Variants in UBAC2 observed in about 807,000 individuals in gnomAD.
The protein encoded by UBAC2 is UBA domain containing 2.
UBAC2 carries 26 observed loss-of-function variants against 44.0 expected under a neutral mutation model. The ratio of observed to expected loss-of-function variants is 0.59; its 90% CI spans 0.43 to 0.82. The LOEUF (loss-of-function observed/expected upper bound fraction) is 0.82. Ranked by LOEUF, UBAC2 falls within the 40% of genes least tolerant of loss-of-function variation. UBAC2 has a pLI of 0.00. For synonymous variants in UBAC2, 155 were observed against 154.3 expected, an observed-to-expected ratio of 1.00 and a Z score of -0.04; for missense variants, 329 against 419.4, an observed-to-expected ratio of 0.78 and a Z score of 1.88.
intron 1 of UBAC2, among the ~76,000 whole-genome samples, chr13:99,236,861 C>T (rs2043239618): frequency 6.6e-6 from 1 of 151,548 alleles, no homozygotes; most frequent in Admixed American, 6.6e-5. Flanking sequence ...AAAACGGCAA[C>T]AACTACCAAA....
chr13:99,373,177 T>G (rs1383603834), intron 8 of UBAC2, among the ~76,000 whole-genome samples: 5 of 151,308 alleles, frequency 3.3e-5, no homozygotes, highest in African/African-American at 1.2e-4. Flanking sequence ...TATTGTTTTT[T>G]TTTTTTTTTT....
At chr13:99,301,003 A>G (rs1034984492) in intron 4 of UBAC2, among the ~76,000 whole-genome samples, 8 of 150,422 alleles carry the variant, frequency 5.3e-5, no homozygotes, top group African/African-American at 1.9e-4. Context: ...AAACTAAGGT[A>G]TACTAGAAAG....
At chr13:99,205,832 A>G in intron 1 of UBAC2, 1 of 163,760 alleles carries the variant, frequency 6.1e-6, no homozygotes. Flanking sequence ...GTCCCTCCCG[A>G]AGCTGCGTGC....
rs1361221294 is a variant in UBAC2 at position 99,355,357 on chromosome 13, A to G, written c.808-12430A>G. ...GATGCACTTCCATTCTTATGTCTTC[A>G]AGGCCACTGTCTCAGTCCTCGCTGT... On this transcript the variant is annotated intron_variant, in intron 7 of 8. Transcript: ENST00000403766. Among the ~76,000 whole-genome samples the G allele has an allele frequency of 2.0e-5, 3 of 152,220 alleles. No individual in the cohort carries two copies. The East Asian group carries it at 5.8e-4, about 29-fold the overall frequency.
chr13:99,359,570 A>G (rs571805317), intron 7 of UBAC2, among the ~76,000 whole-genome samples: 3 of 152,164 alleles, frequency 2.0e-5, no homozygotes, highest in Non-Finnish European at 4.4e-5. Flanking sequence ...CCACTGTGCC[A>G]TGGTCATAGA....
At chr13:99,251,696 T>A (rs2043460153) in intron 4 of UBAC2, among the ~76,000 whole-genome samples, 1 of 152,164 alleles carries the variant, frequency 6.6e-6, no homozygotes, top group African/African-American at 2.4e-5. Context: ...TCTGGAATAG[T>A]GGAAATAGCA....
Position 99,289,370 on chromosome 13 carries a change from A to G in UBAC2, c.390-24727A>G, listed in dbSNP as rs546981968. Among the ~76,000 whole-genome samples the G allele has an allele frequency of 2.0e-5, 3 of 152,360 alleles. No homozygotes were observed. In the East Asian group the frequency reaches 5.8e-4, roughly 29 times the overall value. ...CCCACTAGAGAGAACCAAACATTTTATCCACAGGACAGACAAAACCAACTA... is the reference window on the plus strand; with the variant it reads ...CCCACTAGAGAGAACCAAACATTTTGTCCACAGGACAGACAAAACCAACTA... On this transcript the variant is annotated intron_variant, in intron 4 of 8. Transcript: ENST00000403766.
intron 7 of UBAC2, among the ~76,000 whole-genome samples, chr13:99,349,221 C>G (rs2045039585): frequency 6.6e-6 from 1 of 152,188 alleles, no homozygotes; most frequent in African/African-American, 2.4e-5. Context: ...GCATGTCTCC[C>G]TCCCTTTGCT....
intron 7 of UBAC2, among the ~76,000 whole-genome samples, chr13:99,361,054 A>T (rs1382468168): frequency 6.6e-6 from 1 of 152,180 alleles, no homozygotes; most frequent in Non-Finnish European, 1.5e-5. Flanking sequence ...TTTCTGTTCC[A>T]TGGAACTTCT....
At chr13:99,270,675 GA>G (rs1299489486) in intron 4 of UBAC2, among the ~76,000 whole-genome samples, 3 of 152,174 alleles carry the variant, frequency 2.0e-5, no homozygotes, top group Admixed American at 6.5e-5. Context: ...ACATGCACAT[GA>G]GTTCTGAAGA....
intron 8 of UBAC2, among the ~76,000 whole-genome samples, chr13:99,368,686 A>AGT (rs1284291833): frequency 1.5e-4 from 12 of 82,504 alleles, no homozygotes; most frequent in African/African-American, 4.0e-4. Context: ...AACTCATGAG[A>AGT]GAGTGTGTGT....
intron 8 of UBAC2, among the ~76,000 whole-genome samples, chr13:99,380,912 G>A (rs1213472036): frequency 4.6e-5 from 7 of 152,192 alleles, no homozygotes; most frequent in African/African-American, 1.7e-4. Context: ...AGCCAGCTTT[G>A]GCTAAAGGGG....
At position 99,295,631 on chromosome 13, in the gene UBAC2, G is replaced by T; in HGVS notation, c.390-18466G>T. 6.2e-7 allele frequency: 1 copy of T among 1,614,128 alleles called. No homozygotes were observed. Among genetic ancestry groups the T allele is most frequent in the Non-Finnish European group, 8.5e-7 (1 of 1,180,024 alleles). ...TGTAATCCTTTCAGCCTCCTGCTTT[G>T]ACATAGGGTTGATGAGGAGTGGGAG... On this transcript the variant is annotated intron_variant, in intron 4 of 8. Coordinates refer to ENST00000403766, the MANE Select transcript of UBAC2 (RefSeq NM_001144072.2). This position sits in a 1 kb window ranked among gnomAD's most constrained non-coding sequence, Gnocchi z 4.1.
At chr13:99,300,130 G>A (rs1430228328) in intron 4 of UBAC2, among the ~76,000 whole-genome samples, 1 of 152,202 alleles carries the variant, frequency 6.6e-6, no homozygotes, top group Non-Finnish European at 1.5e-5. Context: ...AAGGGCAGGG[G>A]GTGCCCACTT....
chr13:99,308,297 T>C (rs966645422), intron 4 of UBAC2, among the ~76,000 whole-genome samples: 1 of 152,198 alleles, frequency 6.6e-6, no homozygotes, highest in African/African-American at 2.4e-5. Context: ...ATAGCAGGTC[T>C]TAGGAGAACT....
chr13:99,255,762 T>C (rs1365628609), intron 4 of UBAC2: 3 of 1,613,864 alleles, frequency 1.9e-6, no homozygotes, highest in African/African-American at 1.3e-5. Context: ...TGTTAACAAA[T>C]AATCCAATTA....
chr13:99,237,968 GA>G (rs1341969867), intron 1 of UBAC2, among the ~76,000 whole-genome samples: 4 of 152,208 alleles, frequency 2.6e-5, no homozygotes, highest in Non-Finnish European at 5.9e-5. Flanking sequence ...ATGATTATAT[GA>G]ATGTATCAGA....
intron 4 of UBAC2, among the ~76,000 whole-genome samples, chr13:99,268,567 C>T (rs1271176294): frequency 7.3e-6 from 1 of 137,452 alleles, no homozygotes; most frequent in Non-Finnish European, 1.5e-5. Flanking sequence ...ATGATCCTGT[C>T]ACTGCACTCC....
chr13:99,242,417 C>T (rs1762968631), intron 2 of UBAC2, among the ~76,000 whole-genome samples: 3 of 146,134 alleles, frequency 2.1e-5, no homozygotes, highest in Non-Finnish European at 3.0e-5. Context: ...GGCAGAGGCG[C>T]CCCTCACCTC....
Sources: allele counts gnomAD v4.1 joint callset (sites outside exome capture counted in the v4.1 genomes callset), GRCh38; gene constraint gnomAD v4.1.1; non-coding constraint Gnocchi (gnomAD v3.1); transcripts MANE v1.5; gene names NCBI Gene and HGNC (gene_info 2026-07-23, HGNC 2026-07-21).